PXDN: variants seen among roughly 807,000 people sequenced by gnomAD.
PXDN encodes peroxidasin.
In PXDN, 77 loss-of-function variants were observed where a neutral mutation model predicts 140.3. That is an observed-to-expected ratio of 0.55 (90% CI 0.46 to 0.66). The LOEUF (loss-of-function observed/expected upper bound fraction) is 0.66. Among genes scored for constraint, PXDN ranks in the 30% least tolerant of loss-of-function variants. PXDN has a pLI of 0.00. For missense variants in PXDN, 1,838 were observed against 2,039.5 expected (o/e 0.90, Z 1.90); for synonymous variants, 911 against 857.4 (o/e 1.06, Z -1.09).
At chr2:1,744,622 G>T, upstream of PXDN, 3 of 582,594 alleles carry the variant, frequency 5.1e-6, no homozygotes, top group Non-Finnish European at 7.3e-6. Flanking sequence ...CCGAGGGCGG[G>T]GCGGGGCGAG....
intron 8 of PXDN, 104 bp downstream of exon 8, chr2:1,676,823 A>T: frequency 9.6e-7 from 1 of 1,041,098 alleles, no homozygotes; most frequent in Non-Finnish European, 1.5e-6. Context: ...TACGTGGAGG[A>T]GGAAAAGTGG....
chr2:1,710,839 C>T (rs1373477055), intron 1 of PXDN, among the ~76,000 whole-genome samples: 1 of 71,608 alleles, frequency 1.4e-5, no homozygotes, highest in Non-Finnish European at 2.8e-5. Context: ...CACCAGCACC[C>T]ACTCCACCAG....
chr2:1,650,150 C>T lies in PXDN; in HGVS notation c.2105-475G>A, dbSNP rs545586923. On this transcript the variant is annotated intron_variant, in intron 16 of 22. Transcript: ENST00000252804. ...TCCTGACACCTGTCACTGCACATCT[C>T]GGTCCACTGAGGCTTCATGCTGTTC... is the stretch of plus-strand genomic sequence containing the variant. 1.1e-4 allele frequency among the ~76,000 whole-genome samples: 16 copies of T among 152,322 alleles called. No individual in the cohort carries two copies. In the South Asian group the frequency reaches 2.9e-3, roughly 28 times the overall value.
chr2:1,654,637 C>T (rs1051923520), intron 14 of PXDN, 129 bp from the exon 15 acceptor site: 4 of 614,580 alleles, frequency 6.5e-6, no homozygotes, highest in Non-Finnish European at 1.1e-5. Flanking sequence ...TTTTTCAAAC[C>T]CAAACTCAAA....
chr2:1,671,140 AG>A, intron 9 of PXDN, among the ~76,000 whole-genome samples: 1 of 152,330 alleles, frequency 6.6e-6, no homozygotes. Flanking sequence ...CGCACGTTAG[AG>A]GGGAAGGTTA....
intron 1 of PXDN, 72 bp downstream of exon 1, chr2:1,744,184 G>C: frequency 1.7e-5 from 12 of 725,634 alleles, no homozygotes; most frequent in South Asian, 3.8e-5. Flanking sequence ...CCCCACCTCC[G>C]ATCACCCCTG....
At chr2:1,744,219 C>A in intron 1 of PXDN, 37 bp downstream of exon 1, 1 of 1,457,244 alleles carries the variant, frequency 6.9e-7, no homozygotes, top group Non-Finnish European at 9.0e-7. Context: ...CACGAAGCCC[C>A]GGACCCCGCG....
At chr2:1,634,670 G>T (rs1405558414) in intron 22 of PXDN, among the ~76,000 whole-genome samples, 3 of 152,194 alleles carry the variant, frequency 2.0e-5, no homozygotes, top group Non-Finnish European at 4.4e-5. Context: ...ACTGTGTCTG[G>T]GGGTGGGCGT....
At chr2:1,661,681 TA>T (rs2125423646) in intron 13 of PXDN, among the ~76,000 whole-genome samples, 1 of 152,332 alleles carries the variant, frequency 6.6e-6, no homozygotes, top group Non-Finnish European at 1.5e-5. Context: ...CTACTGAGCT[TA>T]ATAAAAACAG....
intron 1 of PXDN, among the ~76,000 whole-genome samples, chr2:1,711,437 C>T (rs1410021859): frequency 2.2e-5 from 3 of 137,272 alleles, no homozygotes; most frequent in Admixed American, 7.0e-5. Context: ...TCCACTAGCA[C>T]CCACTCCACC....
chr2:1,679,152 ATG>A (rs772225126), intron 7 of PXDN, among the ~76,000 whole-genome samples: 8 of 128,626 alleles, frequency 6.2e-5, no homozygotes, highest in East Asian at 2.6e-4. Flanking sequence ...TGGTGTGTGC[ATG>A]TGTGTGTGGT....
In PXDN at chr2:1,649,387, A is replaced by G; in HGVS notation, c.2393T>C (p.Val798Ala). 6.2e-7 allele frequency: 1 copy of G among 1,613,924 alleles called. No homozygotes were observed. Among genetic ancestry groups the G allele is most frequent in the South Asian group, 1.1e-5 (1 of 91,080 alleles). Reference protein sequence around the residue: ...NGHALPMPRLVSTTLIGTETV... With the variant: ...NGHALPMPRLASTTLIGTETV... ...CTCCGTCCCGATCAGGGTGGTGGAC[A>G]CCAGGCGCGGCATGGGAAGGGCGTG... is the stretch of plus-strand genomic sequence containing the variant. The change falls in exon 17 of 23, where the codon GTG becomes GCG. Residue 798 changes from valine to alanine, a missense_variant. By Grantham distance (64) the Val-to-Ala change is moderately conservative. Transcript: ENST00000252804. The surrounding 1 kb of genome is among the most constrained non-coding windows in gnomAD (Gnocchi z 7.1).
chr2:1,649,439 T>C lies in PXDN; in HGVS notation c.2341A>G (p.Ile781Val). 1 of 1,613,914 alleles carries C rather than the reference T, an allele frequency of 6.2e-7. No homozygotes were observed. The highest frequency in any genetic ancestry group is 8.5e-7 in the Non-Finnish European group (1 of 1,179,868). Residue 781 changes from isoleucine (I) to valine (V), a missense_variant, in exon 17 of 23, where the codon ATC becomes GTC. By Grantham distance (29) the Ile-to-Val change is conservative (BLOSUM62 3). This residue lies in a region of PXDN where 537 missense variants were observed against 583.9 expected (regional missense o/e 0.92). Coordinates refer to ENST00000252804, the MANE Select transcript of PXDN (RefSeq NM_012293.3). The surrounding 1 kb of genome is among the most constrained non-coding windows in gnomAD (Gnocchi z 7.1). ...YENGFNTPRG[I>V]NPHRLYNGHA... Reference sequence around the variant, plus strand: ...CCGTTGTACAGTCGGTGGGGGTTGATGCCCCGAGGGGTGTTGAAGCCATTC... The same window carrying C: ...CCGTTGTACAGTCGGTGGGGGTTGACGCCCCGAGGGGTGTTGAAGCCATTC...
intron 21 of PXDN, chr2:1,636,898 A>G (rs1682574429): frequency 6.6e-6 from 1 of 152,134 alleles, no homozygotes; most frequent in South Asian, 2.1e-4. Flanking sequence ...AAGATACACG[A>G]ACACCTCTGC....
chr2:1,663,503 GCTTTATAA>G, intron 12 of PXDN, 94 bp downstream of exon 12: 1 of 1,479,734 alleles, frequency 6.8e-7, no homozygotes, highest in South Asian at 1.3e-5. Context: ...AACAGCCAAC[GCTTTATAA>G]CGAAGAGTAA....
chr2:1,735,361 G>A (rs752842755), intron 1 of PXDN, among the ~76,000 whole-genome samples: 5 of 152,252 alleles, frequency 3.3e-5, no homozygotes, highest in African/African-American at 9.6e-5. Flanking sequence ...CAGAGAAATC[G>A]CTATCTATAG....
chr2:1,692,989 G>A (rs1186261469), intron 2 of PXDN, 74 bp downstream of exon 2: 21 of 1,366,336 alleles, frequency 1.5e-5, no homozygotes, highest in Non-Finnish European at 2.1e-5. Flanking sequence ...TGTGGATGAT[G>A]AGTTCTACCT....
intron 1 of PXDN, 115 bp downstream of exon 1, chr2:1,744,141 C>T: frequency 9.0e-7 from 1 of 1,108,882 alleles, no homozygotes; most frequent in Non-Finnish European, 1.2e-6. Flanking sequence ...CCAGGCCCCC[C>T]GCGCGCCCGA....
intron 1 of PXDN, among the ~76,000 whole-genome samples, chr2:1,713,426 C>G (rs1684828031): frequency 6.6e-6 from 1 of 152,212 alleles, no homozygotes; most frequent in Non-Finnish European, 1.5e-5. Context: ...GCTCAGAGGT[C>G]TTCCTGCCTC....
Sources: allele counts gnomAD v4.1 joint callset (sites outside exome capture counted in the v4.1 genomes callset), GRCh38; gene constraint gnomAD v4.1.1; regional missense constraint gnomAD v4.1.1; non-coding constraint Gnocchi (gnomAD v3.1); transcripts MANE v1.5; gene names NCBI Gene and HGNC (gene_info 2026-07-23, HGNC 2026-07-21).